GALNTL6: variants seen among roughly 807,000 people sequenced by gnomAD.
GALNTL6 encodes the protein polypeptide N-acetylgalactosaminyltransferase like 6.
In GALNTL6, 46 loss-of-function variants were observed where a neutral mutation model predicts 73.7. The observed-to-expected ratio is 0.62, with a 90% CI of 0.49 to 0.80. The LOEUF (loss-of-function observed/expected upper bound fraction) is 0.80, where lower values mean the gene tolerates loss of function less well. Among genes scored for constraint, GALNTL6 ranks in the 30% least tolerant of loss-of-function variants. The pLI is 0.00. For synonymous variants in GALNTL6, 259 were observed against 263.7 expected (o/e 0.98, Z 0.17); for missense variants, 604 against 755.0 (o/e 0.80, Z 2.34).
chr4:172,947,140 C>T (rs17254079), intron 9 of GALNTL6, among the ~76,000 whole-genome samples: 13,967 of 152,090 alleles, frequency 0.092, 760 homozygotes, highest in Non-Finnish European at 0.12. Flanking sequence ...ATCATCTATG[C>T]TGTTTTGTTA....
chr4:172,754,954 A>C (rs1280925121), intron 5 of GALNTL6, among the ~76,000 whole-genome samples: 4 of 152,154 alleles, frequency 2.6e-5, no homozygotes, highest in Non-Finnish European at 5.9e-5. Context: ...TCCTCAGTCC[A>C]ACTCTTGTGT....
chr4:172,412,130 C>T (rs1325548450), intron 5 of GALNTL6, among the ~76,000 whole-genome samples: 1 of 152,094 alleles, frequency 6.6e-6, no homozygotes, highest in Non-Finnish European at 1.5e-5. Context: ...GCAGCCTCAA[C>T]CTCCCAGAGT....
chr4:171,818,793 A>T (rs1734600623), intron 2 of GALNTL6, among the ~76,000 whole-genome samples: 1 of 151,916 alleles, frequency 6.6e-6, no homozygotes, highest in South Asian at 2.1e-4. Context: ...CAGATATGTG[A>T]CTTTACCTCC....
At chr4:172,568,647 A>T (rs1272052204) in intron 5 of GALNTL6, among the ~76,000 whole-genome samples, 1 of 148,368 alleles carries the variant, frequency 6.7e-6, no homozygotes, top group East Asian at 2.0e-4. Context: ...AGTCCCAGCT[A>T]CTCGGGAGGC....
chr4:172,762,989 T>C (rs1251103294), intron 5 of GALNTL6, among the ~76,000 whole-genome samples: 14 of 139,758 alleles, frequency 1.0e-4, no homozygotes, highest in Non-Finnish European at 3.1e-5. Flanking sequence ...TGGCTGCCAG[T>C]GACATCATTG....
At chr4:172,628,211 C>T (rs2111087740) in intron 5 of GALNTL6, among the ~76,000 whole-genome samples, 1 of 152,222 alleles carries the variant, frequency 6.6e-6, no homozygotes, top group Admixed American at 6.5e-5. Context: ...TTATTATAAT[C>T]AAATCAACAT....
chr4:172,797,578 C>T (rs943810936), intron 5 of GALNTL6, among the ~76,000 whole-genome samples: 2 of 151,972 alleles, frequency 1.3e-5, no homozygotes, highest in African/African-American at 4.8e-5. Flanking sequence ...GACAGGGTCT[C>T]GCCCTGTTGC....
intron 4 of GALNTL6, among the ~76,000 whole-genome samples, chr4:172,329,003 T>C (rs992672829): frequency 1.1e-4 from 17 of 152,206 alleles, no homozygotes; most frequent in African/African-American, 4.1e-4. Flanking sequence ...CTTTAACTGC[T>C]GGGCTGCCTC....
intron 2 of GALNTL6, among the ~76,000 whole-genome samples, chr4:172,118,455 T>A (rs1020653367): frequency 1.3e-5 from 2 of 151,836 alleles, no homozygotes; most frequent in Non-Finnish European, 2.9e-5. Flanking sequence ...ATTCCAGCAT[T>A]TGGGGAGGCC....
At chr4:171,821,627 A>G (rs2110804540) in intron 2 of GALNTL6, among the ~76,000 whole-genome samples, 1 of 146,084 alleles carries the variant, frequency 6.8e-6, no homozygotes, top group South Asian at 2.2e-4. Flanking sequence ...ACAGTATATA[A>G]CAAGGCTTAA....
chr4:172,721,886 C>G (rs1735495236), intron 5 of GALNTL6, among the ~76,000 whole-genome samples: 1 of 152,034 alleles, frequency 6.6e-6, no homozygotes, highest in Admixed American at 6.6e-5. Flanking sequence ...TTGTGTTAAG[C>G]ATTTTTCCAA....
chr4:172,579,917 CT>C (rs1484334010), intron 5 of GALNTL6, among the ~76,000 whole-genome samples: 1 of 152,016 alleles, frequency 6.6e-6, no homozygotes, highest in Non-Finnish European at 1.5e-5. Context: ...TTTACTTCAG[CT>C]GTGGGAGGAG....
At chr4:171,870,415 T>C (rs1296610817) in intron 2 of GALNTL6, among the ~76,000 whole-genome samples, 2 of 152,244 alleles carry the variant, frequency 1.3e-5, no homozygotes, top group Non-Finnish European at 2.9e-5. Flanking sequence ...GATGACAAAC[T>C]GCATTTATTT....
intron 5 of GALNTL6, among the ~76,000 whole-genome samples, chr4:172,499,994 C>CA (rs887861219): frequency 5.9e-5 from 9 of 151,502 alleles, no homozygotes; most frequent in African/African-American, 2.2e-4. Flanking sequence ...GGAATACAAC[C>CA]AAAAAAAATT....
chr4:172,240,279 A>G (rs1037418636), intron 3 of GALNTL6, among the ~76,000 whole-genome samples: 6 of 152,104 alleles, frequency 3.9e-5, no homozygotes, highest in African/African-American at 1.4e-4. Flanking sequence ...GCTGGAGTGC[A>G]GTGGCACGAT....
At chr4:172,239,330 T>C (rs1269411721) in intron 3 of GALNTL6, among the ~76,000 whole-genome samples, 4 of 152,174 alleles carry the variant, frequency 2.6e-5, no homozygotes, top group Non-Finnish European at 5.9e-5. Context: ...TAATAGGTTG[T>C]ATGTTCCAGA....
At chr4:171,958,482 G>A (rs1279890732) in intron 2 of GALNTL6, among the ~76,000 whole-genome samples, 3 of 151,946 alleles carry the variant, frequency 2.0e-5, no homozygotes, top group African/African-American at 7.2e-5. Flanking sequence ...TTAAAAATTA[G>A]GAAAGAGAGT....
chr4:172,033,247 C>T (rs1741823853), intron 2 of GALNTL6, among the ~76,000 whole-genome samples: 1 of 151,964 alleles, frequency 6.6e-6, no homozygotes, highest in African/African-American at 2.4e-5. Context: ...AAGTAACATT[C>T]ACTATATGTA....
intron 3 of GALNTL6, among the ~76,000 whole-genome samples, chr4:172,248,928 A>T (rs559285684): frequency 6.6e-6 from 1 of 152,296 alleles, no homozygotes; most frequent in African/African-American, 2.4e-5. Context: ...TAAATTACCC[A>T]GTCTCAGGTA....
Sources: gnomAD v4.1 joint callset for allele counts (sites outside exome capture counted in the v4.1 genomes callset) on GRCh38, gnomAD v4.1.1 for gene constraint, MANE v1.5 for transcripts, NCBI Gene and HGNC (gene_info 2026-07-23, HGNC 2026-07-21) for gene names.